Variants in ALG12 observed in about 807,000 individuals in gnomAD.
ALG12 encodes the protein ALG12 alpha-1,6-mannosyltransferase.
In ALG12, 36 loss-of-function variants were observed where a neutral mutation model predicts 46.0. That is an observed-to-expected ratio of 0.78 (90% confidence interval 0.60 to 1.03). The LOEUF is 1.03. ALG12 is among the 50% of genes least tolerant of loss of function. The pLI is 0.00. For missense variants in ALG12, 599 were observed against 633.5 expected, an observed-to-expected ratio of 0.95 and a Z score of 0.58; for synonymous variants, 326 against 291.6, an observed-to-expected ratio of 1.12 and a Z score of -1.20.
the ALG12 span, among the ~76,000 whole-genome samples, chr22:49,881,784 C>G: frequency 6.6e-6 from 1 of 152,330 alleles, no homozygotes; most frequent in Middle Eastern, 3.4e-3. Flanking sequence ...CCTCCCACCT[C>G]AGCCTCCCAA....
At chr22:49,917,120 C>G (rs556729165) in intron 1 of ALG12, among the ~76,000 whole-genome samples, 10 of 152,228 alleles carry the variant, frequency 6.6e-5, no homozygotes, top group Non-Finnish European at 1.3e-4. Flanking sequence ...CCAGCAAGCA[C>G]GAAAACCACG....
the ALG12 span, chr22:49,884,556 A>G: frequency 1.2e-6 from 2 of 1,613,500 alleles, no homozygotes; most frequent in Admixed American, 3.3e-5. Flanking sequence ...ACCTGTCGCC[A>G]CTGGACAACT....
At position 49,912,885 on chromosome 22, in the gene ALG12, G is replaced by A. The variant is rs140796640; in HGVS notation, c.295+500C>T. Among the ~76,000 whole-genome samples, 801 of 151,864 alleles carry A rather than the reference G, an allele frequency of 5.3e-3. 12 individuals are homozygous for A. The highest frequency in any genetic ancestry group is 0.018 in the African/African-American group (741 of 41,464). ...CTGTCTCAAAAAAGAAAAAAAAATC[G>A]GTTTTTAGAACAATATGTACAAAAC... On this transcript the variant is annotated intron_variant, in intron 3 of 9. Transcript: ENST00000330817.
the ALG12 span, among the ~76,000 whole-genome samples, chr22:49,873,198 T>C: frequency 6.6e-6 from 1 of 152,240 alleles, no homozygotes; most frequent in Non-Finnish European, 1.5e-5. Context: ...AGCGTTGGCC[T>C]CTCTCAGCTT....
the ALG12 span, among the ~76,000 whole-genome samples, chr22:49,863,145 C>A: frequency 6.6e-6 from 1 of 152,116 alleles, no homozygotes; most frequent in Non-Finnish European, 1.5e-5. Context: ...CCAGTGTGTT[C>A]CTCTATCCTT....
At chr22:49,864,946 C>CG in the ALG12 span, among the ~76,000 whole-genome samples, 2,518 of 56,380 alleles carry the variant, frequency 0.045, 168 homozygotes, top group Non-Finnish European at 0.06. Context: ...AGCCCCCCCC[C>CG]CCCCCCGTGA....
rs748563631 is a variant in ALG12 at position 49,907,905 on chromosome 22, G to A, written c.808C>T (p.Arg270Cys). 1.5e-5 allele frequency: 24 copies of A among 1,613,440 alleles called. No homozygotes were observed. The highest frequency in any genetic ancestry group is 6.7e-5 in the East Asian group (3 of 44,874). Residue 270 changes from arginine to cysteine, a missense_variant, in exon 7 of 10, where the codon CGC becomes TGC. By Grantham distance (180) the Arg-to-Cys change is radical. Transcript: ENST00000330817. ...AAGAGCAGGCTGCAGCCCAGGCCGC[G>A]GGGCAGGGCTGAGTAGAAGTACCAC... ...LLWYFYSALP[R>C]GLGCSLLFIP...
chr22:49,875,397 C>G, the ALG12 span, among the ~76,000 whole-genome samples: 1 of 149,082 alleles, frequency 6.7e-6, no homozygotes, highest in Non-Finnish European at 1.5e-5. Context: ...TCCATTTCAT[C>G]TGAGTTGCAT....
At chr22:49,884,606 G>C in the ALG12 span, 1 of 1,612,298 alleles carries the variant, frequency 6.2e-7, no homozygotes, top group Non-Finnish European at 8.5e-7. Flanking sequence ...GAGTTCAGCC[G>C]GGGGAAGAAT....
rs957557050 is a variant in ALG12 at position 49,906,716 on chromosome 22, T to G, written c.992+1005A>C. The stretch of plus-strand genomic sequence containing the variant: ...CCCTGCCGCCCCTCAATGCCCAGCG[T>G]GGCCTGAGTTGGCCTCCTGTTCCCA... On this transcript the variant is annotated intron_variant, in intron 7 of 9. Coordinates refer to ENST00000330817, the MANE Select transcript of ALG12 (RefSeq NM_024105.4). The surrounding 1 kb of genome is among the most constrained non-coding windows in gnomAD (Gnocchi z 4.4). 6.6e-6 allele frequency among the ~76,000 whole-genome samples: 1 copy of G among 152,158 alleles called. No individual in the cohort carries two copies. The highest frequency in any genetic ancestry group is 1.5e-5 in the Non-Finnish European group (1 of 68,010).
intron 3 of ALG12, 64 bp from the exon 4 acceptor site, chr22:49,910,671 G>A (rs1483809467): frequency 1.0e-5 from 16 of 1,584,972 alleles, no homozygotes; most frequent in Middle Eastern, 1.7e-4. Context: ...GGCCCCCTAC[G>A]TGGGTCCTTC....
the ALG12 span, among the ~76,000 whole-genome samples, chr22:49,877,258 ATTATTTATTTATTTAT>A: frequency 0.06 from 8,690 of 144,670 alleles, 403 homozygotes; most frequent in South Asian, 0.19. Context: ...AAACAGCTTT[ATTATTTATTTATTTAT>A]TTATTTATTT....
At chr22:49,865,959 G>A in the ALG12 span, among the ~76,000 whole-genome samples, 27 of 148,556 alleles carry the variant, frequency 1.8e-4, no homozygotes, top group Admixed American at 1.1e-3. Flanking sequence ...CAGCCCTCCC[G>A]CCTCCACCTC....
At chr22:49,891,224 A>G in the ALG12 span, among the ~76,000 whole-genome samples, 1 of 152,260 alleles carries the variant, frequency 6.6e-6, no homozygotes, top group Non-Finnish European at 1.5e-5. Flanking sequence ...GTCCTGTTCC[A>G]TCTCCTGTTA....
chr22:49,907,609 A>G, intron 7 of ALG12, 112 bp downstream of exon 7: 2 of 1,243,190 alleles, frequency 1.6e-6, no homozygotes, highest in South Asian at 1.3e-5. Context: ...TGGGCGACAG[A>G]GCAAGACCCT....
In ALG12 at chr22:49,902,545, C is replaced by CTG. The variant is rs146115313; in HGVS notation, c.*1291_*1292dup. On this transcript the variant is annotated 3_prime_UTR_variant, in exon 10 of 10. Transcript: ENST00000330817. Reference sequence around the variant, plus strand: ...ATGCATGGTAATGTGCACGCGTGCACTGTGTGTATGCATGGTAATGTGCAC... The same window carrying CTG: ...ATGCATGGTAATGTGCACGCGTGCACTGTGTGTGTATGCATGGTAATGTGCAC... 22,812 of 98,358 alleles carry CTG rather than the reference C, an allele frequency of 0.23. 4,332 individuals carry two copies. Among genetic ancestry groups the CTG allele is most frequent in the African/African-American group, 0.58 (10,210 of 17,536 alleles). The allele number at this position is 98,358 out of a possible 1,614,324, so 6.1% of individuals were successfully genotyped here.
the ALG12 span, among the ~76,000 whole-genome samples, chr22:49,868,350 C>G: frequency 6.6e-6 from 1 of 152,192 alleles, no homozygotes; most frequent in Admixed American, 6.5e-5. Context: ...CTGGCTGAGG[C>G]TGGTGGATCA....
downstream of ALG12, among the ~76,000 whole-genome samples, chr22:49,898,428 C>T (rs1249018382): frequency 3.3e-5 from 5 of 149,666 alleles, no homozygotes; most frequent in East Asian, 2.0e-4. Context: ...TTTTGCTTGT[C>T]GCCCCGGCTG....
downstream of ALG12, among the ~76,000 whole-genome samples, chr22:49,896,830 C>T (rs542932792): frequency 2.4e-4 from 36 of 151,448 alleles, no homozygotes; most frequent in African/African-American, 7.5e-4. Context: ...TTAGTAGAGA[C>T]GGGTTTCGCC....
Sources: allele counts gnomAD v4.1 joint callset (sites outside exome capture counted in the v4.1 genomes callset), GRCh38; gene constraint gnomAD v4.1.1; non-coding constraint Gnocchi (gnomAD v3.1); transcripts MANE v1.5; gene names NCBI Gene and HGNC (gene_info 2026-07-23, HGNC 2026-07-21).